The following BIVM variants were observed in gnomAD, a reference collection of about 807,000 sequenced individuals.
BIVM encodes basic immunoglobulin-like variable motif-containing protein.
Under a neutral mutation model 61.4 loss-of-function variants are expected in BIVM, and 31 were observed. That is an observed-to-expected ratio of 0.51 (90% confidence interval 0.38 to 0.68). BIVM has a LOEUF of 0.68. BIVM is among the 30% of genes least tolerant of loss of function. The pLI is 0.00. For missense variants in BIVM, 526 were observed against 596.0 expected, an observed-to-expected ratio of 0.88 and a Z score of 1.22; for synonymous variants, 189 against 210.7, an observed-to-expected ratio of 0.90 and a Z score of 0.89.
intron 7 of BIVM, among the ~76,000 whole-genome samples, chr13:102,824,000 G>T (rs1008929351): frequency 6.6e-6 from 1 of 152,164 alleles, no homozygotes; most frequent in African/African-American, 2.4e-5. Context: ...ATTTGGCATT[G>T]TCTTTTATAG....
rs1280664862 is a variant in BIVM at position 102,840,752 on chromosome 13, C to G, written c.*887C>G. On this transcript the variant is annotated 3_prime_UTR_variant, in exon 11 of 11. Coordinates refer to ENST00000257336, the MANE Select transcript of BIVM (RefSeq NM_017693.4). Reference sequence around the variant, plus strand: ...AAATGGGTGACTTAGTGCATTGATTCAGATTTTTAAAATTTCTTGATGTGG... The same window carrying G: ...AAATGGGTGACTTAGTGCATTGATTGAGATTTTTAAAATTTCTTGATGTGG... 1.3e-5 allele frequency: 2 copies of G among 149,138 alleles called. No homozygotes were observed. Among genetic ancestry groups the G allele is most frequent in the African/African-American group, 4.9e-5 (2 of 40,516 alleles). The allele number at this position is 149,138 out of a possible 1,614,324, so 9.2% of individuals were successfully genotyped here.
intron 7 of BIVM, among the ~76,000 whole-genome samples, chr13:102,825,850 C>G (rs147805799): frequency 1.4e-3 from 213 of 152,258 alleles, no homozygotes; most frequent in African/African-American, 5.0e-3. Flanking sequence ...GATTCAATCC[C>G]TTCGTCTCCT....
chr13:102,820,836 A>G (rs747388228), intron 4 of BIVM: 350 of 512,784 alleles, frequency 6.8e-4, no homozygotes, highest in Non-Finnish European at 9.6e-4. Flanking sequence ...AGTCATACTT[A>G]GCTATTTTTG....
chr13:102,807,818 C>A lies in BIVM; in HGVS notation c.478+73C>A. The A allele has an allele frequency of 7.0e-7, 1 of 1,429,004 alleles. No individual in the cohort carries two copies. The highest frequency in any genetic ancestry group is 9.4e-7 in the Non-Finnish European group (1 of 1,062,574). 88.5% of individuals were successfully genotyped at this position (1,429,004 alleles called of 1,614,324 possible). A position where few individuals can be genotyped will look rare whatever the true frequency, so the allele number is the denominator to read the frequency against. The stretch of plus-strand genomic sequence containing the variant: ...AACACTATGTCTTGTTTAATCTTGC[C>A]ATTACACATAGTTTCCTTGTATAAT... On this transcript the variant is annotated intron_variant, in intron 3 of 10. Coordinates refer to ENST00000257336, the MANE Select transcript of BIVM (RefSeq NM_017693.4). This position sits in a 1 kb window ranked among gnomAD's most constrained non-coding sequence, Gnocchi z 4.0.
chr13:102,839,526 A>G (rs4771435), intron 10 of BIVM, 46 bp from the exon 11 acceptor site: 494,063 of 1,600,456 alleles, frequency 0.31, 78,104 homozygotes, highest in Admixed American at 0.41. Context: ...AATTAGTACA[A>G]TTAATTTCCC....
chr13:102,826,520 A>T (rs538237175), intron 7 of BIVM, among the ~76,000 whole-genome samples: 2 of 152,154 alleles, frequency 1.3e-5, no homozygotes, highest in Non-Finnish European at 2.9e-5. Flanking sequence ...GGGTGGCTTT[A>T]TATCTCTTTT....
At position 102,807,889 on chromosome 13, in the gene BIVM, T is replaced by C; in HGVS notation, c.478+144T>C. Reference sequence around the variant, plus strand: ...ATCATCTTGTCTGTCAATGTAGTTTTAGGAAAGTAACCTTGACGTAGGGCA... The same window carrying C: ...ATCATCTTGTCTGTCAATGTAGTTTCAGGAAAGTAACCTTGACGTAGGGCA... On this transcript the variant is annotated intron_variant, in intron 3 of 10. Transcript: ENST00000257336. The surrounding 1 kb of genome is among the most constrained non-coding windows in gnomAD (Gnocchi z 4.0). The C allele has an allele frequency of 1.0e-6, 1 of 994,212 alleles. No homozygotes were observed. Among genetic ancestry groups the C allele is most frequent in the Non-Finnish European group, 1.4e-6 (1 of 700,706 alleles). The allele number at this position is 994,212 out of a possible 1,614,324, so 61.6% of individuals were successfully genotyped here.
chr13:102,816,550 C>A lies in BIVM; in HGVS notation c.601C>A (p.Arg201=). Reference sequence around the variant, plus strand: ...ACAGCGGAAAGTATTAGACCTCAGACGATGGTGATGTTATCAGTTTTTATT... The same window carrying A: ...ACAGCGGAAAGTATTAGACCTCAGAAGATGGTGATGTTATCAGTTTTTATT... ...IKQRKVLDLR[R]WYCISRPQYK... The change falls in exon 4 of 11, where the codon CGA becomes AGA. Residue 201 remains arginine (R), a synonymous_variant. Transcript: ENST00000257336. 1 of 1,552,504 alleles carries A rather than the reference C, an allele frequency of 6.4e-7. No individual in the cohort carries two copies. The highest frequency in any genetic ancestry group is 1.3e-5 in the South Asian group (1 of 79,140).
rs764054526 is a variant in BIVM, at chr13:102,807,529, C to G, written c.262C>G (p.Pro88Ala). 1 of 1,614,180 alleles carries G rather than the reference C, an allele frequency of 6.2e-7. No individual in the cohort carries two copies. The highest frequency in any genetic ancestry group is 8.5e-7 in the Non-Finnish European group (1 of 1,180,012). The change falls in exon 3 of 11, where the codon CCA becomes GCA. Residue 88 changes from proline to alanine, a missense_variant. By Grantham distance (27) the Pro-to-Ala change is conservative (BLOSUM62 -1). Around this residue, in one of 3 missense-constraint regions of BIVM, gnomAD observed 312 missense variants for 343.8 expected, o/e 0.91. Transcript: ENST00000257336. The surrounding 1 kb of genome is among the most constrained non-coding windows in gnomAD (Gnocchi z 4.0). ...GACCTCAATCTATAAAACTCCAAAT[C>G]CATCCCGCTCTCCTTGCCTCCCTGA... ...QATSIYKTPN[P>A]SRSPCLPDST... is the part of the protein sequence containing the mutation.
chr13:102,835,238 A>AGAG (rs1425580951), intron 9 of BIVM, among the ~76,000 whole-genome samples: 1 of 151,940 alleles, frequency 6.6e-6, no homozygotes, highest in African/African-American at 2.4e-5. Context: ...AAATGAGGCA[A>AGAG]GAGGATTGCT....
intron 4 of BIVM, 67 bp downstream of exon 4, chr13:102,816,621 A>G: frequency 7.4e-7 from 1 of 1,351,856 alleles, no homozygotes; most frequent in Non-Finnish European, 9.7e-7. Context: ...ATAACGTAGC[A>G]GTTTACAAAT....
At chr13:102,821,312 G>T (rs909148255) in intron 5 of BIVM, among the ~76,000 whole-genome samples, 180 bp downstream of exon 5, 3 of 151,934 alleles carry the variant, frequency 2.0e-5, no homozygotes, top group Admixed American at 6.6e-5. Flanking sequence ...AATAAAAATG[G>T]GCTGGGTACA....
Position 102,807,947 on chromosome 13 carries a change from T to C in BIVM, c.478+202T>C, listed in dbSNP as rs1180907513. Among the ~76,000 whole-genome samples the C allele has an allele frequency of 1.3e-5, 2 of 152,150 alleles. No individual in the cohort carries two copies. The highest frequency in any genetic ancestry group is 4.8e-5 in the African/African-American group (2 of 41,430). ...CATTGCGGGGCTTCCACTGGAAACT[T>C]CAAGCATAAGCTTTGTATCAAATAT... On this transcript the variant is annotated intron_variant, in intron 3 of 10. Transcript: ENST00000257336. The surrounding 1 kb of genome is among the most constrained non-coding windows in gnomAD (Gnocchi z 4.0).
intron 1 of BIVM, among the ~76,000 whole-genome samples, chr13:102,803,178 G>T (rs917500092): frequency 1.3e-5 from 2 of 149,838 alleles, no homozygotes; most frequent in African/African-American, 2.4e-5. Flanking sequence ...AAAAAAAAAG[G>T]TTATTCTATA....
chr13:102,817,821 TACTG>T (rs1429210323), intron 4 of BIVM, among the ~76,000 whole-genome samples: 1 of 152,210 alleles, frequency 6.6e-6, no homozygotes, highest in Non-Finnish European at 1.5e-5. Flanking sequence ...TTTTATGTAT[TACTG>T]ACCCTGATTT....
chr13:102,838,780 G>T, intron 10 of BIVM, 41 bp downstream of exon 10: 2 of 1,577,086 alleles, frequency 1.3e-6, no homozygotes, highest in South Asian at 2.3e-5. Flanking sequence ...TTTCCCAGCT[G>T]ACCAAAATGT....
chr13:102,831,873 C>CAA (rs67223159), intron 8 of BIVM, among the ~76,000 whole-genome samples, 176 bp downstream of exon 8: 3 of 105,578 alleles, frequency 2.8e-5, no homozygotes, highest in African/African-American at 7.2e-5. Context: ...ACTAAAAATA[C>CAA]AAAAAAAAAA....
chr13:102,810,053 G>T (rs913982736), intron 3 of BIVM, among the ~76,000 whole-genome samples: 8 of 151,594 alleles, frequency 5.3e-5, no homozygotes, highest in Admixed American at 2.6e-4. Flanking sequence ...GATTACAGGC[G>T]TGAGCCACCC....
rs550061736 is a variant in BIVM at position 102,800,126 on chromosome 13, G to T, written c.-207+605G>T. Among the ~76,000 whole-genome samples the T allele has an allele frequency of 3.9e-5, 6 of 152,340 alleles. No individual in the cohort carries two copies. In the South Asian group the frequency reaches 1.2e-3, roughly 32 times the overall value. ...CAAGGCGGGCCTGGTTCGGCGCCAG[G>T]AAAGGGGGTTTCTTTCCTATTTTCT... is the stretch of plus-strand genomic sequence containing the variant. On this transcript the variant is annotated intron_variant, in intron 1 of 10. Transcript: ENST00000257336.
Sources: allele counts gnomAD v4.1 joint callset (sites outside exome capture counted in the v4.1 genomes callset), GRCh38; gene constraint gnomAD v4.1.1; regional missense constraint gnomAD v4.1.1; non-coding constraint Gnocchi (gnomAD v3.1); transcripts MANE v1.5; gene names NCBI Gene and HGNC (gene_info 2026-07-23, HGNC 2026-07-21).